Variants in CCDC148 observed in about 807,000 individuals in gnomAD.
CCDC148 encodes coiled-coil domain containing 148, also known as coiled-coil domain-containing protein 148.
In CCDC148, 89 loss-of-function variants were observed where a neutral mutation model predicts 85.7. The ratio of observed to expected loss-of-function variants is 1.04; its 90% CI spans 0.87 to 1.24. CCDC148 has a LOEUF of 1.24. Among genes scored for constraint, CCDC148 ranks in the 50% most tolerant of loss-of-function variants. The pLI is 0.00. For missense variants in CCDC148, 692 were observed against 671.7 expected (o/e 1.03, Z -0.33); for synonymous variants, 230 against 213.9 (o/e 1.08, Z -0.66).
chr2:158,327,512 C>G (rs1445493547), intron 7 of CCDC148, among the ~76,000 whole-genome samples: 1 of 152,156 alleles, frequency 6.6e-6, no homozygotes, highest in African/African-American at 2.4e-5. Context: ...TTCCCTTTAA[C>G]TCAATTCTGA....
chr2:158,395,719 C>G (rs1685492578), intron 1 of CCDC148, among the ~76,000 whole-genome samples: 1 of 152,118 alleles, frequency 6.6e-6, no homozygotes, highest in South Asian at 2.1e-4. Context: ...ACAAAGGGCT[C>G]TGGAATCATG....
At chr2:158,283,791 A>T (rs551261873) in intron 9 of CCDC148, among the ~76,000 whole-genome samples, 124 of 151,928 alleles carry the variant, frequency 8.2e-4, no homozygotes, top group African/African-American at 2.8e-3. Flanking sequence ...TACCCAAAGG[A>T]CTATAAATCA....
chr2:158,280,871 T>A (rs893471719), intron 9 of CCDC148, among the ~76,000 whole-genome samples: 12 of 152,256 alleles, frequency 7.9e-5, no homozygotes, highest in African/African-American at 2.9e-4. Flanking sequence ...GACCACATAG[T>A]TGGAAGTAAA....
In CCDC148 at chr2:158,345,328, G is replaced by C; in HGVS notation, c.148-10C>G. 6.3e-7 allele frequency: 1 copy of C among 1,597,888 alleles called. No homozygotes were observed. Among genetic ancestry groups the C allele is most frequent in the Non-Finnish European group, 8.6e-7 (1 of 1,168,192 alleles). ...ACATTGCTTTTCTGATCTAGATTTA[G>C]AGGAACAAAAGAGGAGCAACTTCAA... On this transcript the variant is annotated splice_polypyrimidine_tract_variant and intron_variant, in intron 2 of 13. Coordinates refer to ENST00000283233, the MANE Select transcript of CCDC148 (RefSeq NM_138803.4).
intron 1 of CCDC148, among the ~76,000 whole-genome samples, chr2:158,403,513 C>A (rs896670048): frequency 6.6e-6 from 1 of 152,050 alleles, no homozygotes; most frequent in Non-Finnish European, 1.5e-5. Context: ...GAGCTACTGA[C>A]CTTTATATGA....
At chr2:158,221,091 T>A (rs1000821568) in intron 10 of CCDC148, among the ~76,000 whole-genome samples, 7 of 152,228 alleles carry the variant, frequency 4.6e-5, no homozygotes, top group Admixed American at 2.6e-4. Context: ...GGTAATGCAG[T>A]CTTTAACAAA....
chr2:158,283,414 A>T (rs891686077), intron 9 of CCDC148, among the ~76,000 whole-genome samples: 1 of 152,100 alleles, frequency 6.6e-6, no homozygotes, highest in Non-Finnish European at 1.5e-5. Context: ...ATCTACAAAG[A>T]ACTCAAACAA....
chr2:158,456,464 CAGGG>C lies in CCDC148; in HGVS notation c.-29_-26del. 2 of 1,607,642 alleles carry C rather than the reference CAGGG, an allele frequency of 1.2e-6. No homozygotes were observed. The highest frequency in any genetic ancestry group is 2.2e-5 in the South Asian group (2 of 89,430). ...TGTCAAAGGTCAAAGGGCATAGCCT[CAGGG>C]ACTCCCCAAACGCAGGAAAAGTGAA... On this transcript the variant is annotated 5_prime_UTR_variant, in exon 1 of 14. Transcript: ENST00000283233.
At position 158,438,581 on chromosome 2, in the gene CCDC148, C is replaced by A. The variant is rs370549895; in HGVS notation, c.25+17834G>T. 5.3e-5 allele frequency among the ~76,000 whole-genome samples: 8 copies of A among 151,686 alleles called. No individual in the cohort carries two copies. The South Asian group carries it at 6.3e-4, about 12-fold the overall frequency. On this transcript the variant is annotated intron_variant, in intron 1 of 13. Transcript: ENST00000283233. ...TAGGCATGGGCAAGGACTTCATGTC[C>A]AAAACACCAAAAGCAATGGCAACAA... is the stretch of plus-strand genomic sequence containing the variant.
At chr2:158,366,155 T>C (rs1574703301) in intron 1 of CCDC148, 1 of 1,120,922 alleles carries the variant, frequency 8.9e-7, no homozygotes, top group South Asian at 1.7e-5. Flanking sequence ...TTGAAGTATT[T>C]TTAAAAGTAA....
intron 11 of CCDC148, among the ~76,000 whole-genome samples, chr2:158,204,555 A>G (rs4664929): frequency 0.79 from 119,957 of 152,054 alleles, 51,348 homozygotes; most frequent in Non-Finnish European, 0.94. Flanking sequence ...GACCATGCAA[A>G]GCTCCAAATG....
At chr2:158,376,236 G>C (rs1213482104) in intron 1 of CCDC148, among the ~76,000 whole-genome samples, 1 of 152,016 alleles carries the variant, frequency 6.6e-6, no homozygotes, top group Non-Finnish European at 1.5e-5. Flanking sequence ...TTCACATGCA[G>C]TTTTAACATA....
At chr2:158,234,832 G>A (rs1688025129) in intron 10 of CCDC148, among the ~76,000 whole-genome samples, 1 of 152,306 alleles carries the variant, frequency 6.6e-6, no homozygotes, top group African/African-American at 2.4e-5. Flanking sequence ...GTAGAAAAAA[G>A]AGTGTAAAGA....
At chr2:158,258,884 A>G (rs1689109762) in intron 9 of CCDC148, among the ~76,000 whole-genome samples, 1 of 151,606 alleles carries the variant, frequency 6.6e-6, no homozygotes, top group Non-Finnish European at 1.5e-5. Context: ...ATCTTTCAAT[A>G]GTTTCTACTG....
At chr2:158,244,921 T>TA (rs1278440449) in intron 10 of CCDC148, among the ~76,000 whole-genome samples, 7 of 152,190 alleles carry the variant, frequency 4.6e-5, no homozygotes, top group Non-Finnish European at 7.3e-5. Flanking sequence ...GGGAATTTTT[T>TA]AAAAAATCAT....
chr2:158,282,935 A>C (rs1161445574), intron 9 of CCDC148, among the ~76,000 whole-genome samples: 1 of 152,230 alleles, frequency 6.6e-6, no homozygotes, highest in Non-Finnish European at 1.5e-5. Context: ...ACAGAGATAT[A>C]GATCAATGGA....
In CCDC148 at chr2:158,443,062, T is replaced by G. The variant is rs533464574; in HGVS notation, c.25+13353A>C. ...TGTTTGTTTGTTTGTTTGTTTGTTT[T>G]TTAATAAACAGCTGCTCCCTTGTTA... On this transcript the variant is annotated intron_variant, in intron 1 of 13. Coordinates refer to ENST00000283233, the MANE Select transcript of CCDC148 (RefSeq NM_138803.4). 3.3e-5 allele frequency among the ~76,000 whole-genome samples: 5 copies of G among 151,432 alleles called. No individual in the cohort carries two copies. The South Asian group carries it at 1.0e-3, about 32-fold the overall frequency.
At chr2:158,206,370 C>T (rs1430438571) in intron 11 of CCDC148, among the ~76,000 whole-genome samples, 1 of 152,168 alleles carries the variant, frequency 6.6e-6, no homozygotes, top group Non-Finnish European at 1.5e-5. Flanking sequence ...CAGCAGCATC[C>T]TTTCAACCCA....
chr2:158,185,798 C>T lies in CCDC148; in HGVS notation c.1371-6802G>A, dbSNP rs188507846. On this transcript the variant is annotated intron_variant, in intron 11 of 13. Coordinates refer to ENST00000283233, the MANE Select transcript of CCDC148 (RefSeq NM_138803.4). Reference sequence around the variant, plus strand: ...ATCCTTTTATATCTTTACATATCTTCAACATTTTCCTCAACTACTCCTTTC... The same window carrying T: ...ATCCTTTTATATCTTTACATATCTTTAACATTTTCCTCAACTACTCCTTTC... Among the ~76,000 whole-genome samples, 118 of 152,240 alleles carry T rather than the reference C, an allele frequency of 7.8e-4. 2 individuals carry two copies. In the Middle Eastern group the frequency reaches 0.017, roughly 22 times the overall value.
Sources: gnomAD v4.1 joint callset for allele counts (sites outside exome capture counted in the v4.1 genomes callset) on GRCh38, gnomAD v4.1.1 for gene constraint, MANE v1.5 for transcripts, NCBI Gene and HGNC (gene_info 2026-07-23, HGNC 2026-07-21) for gene names.